CA12: variants seen among roughly 807,000 people sequenced by gnomAD.
The protein encoded by CA12 is carbonate dehydratase XII.
CA12 carries 36 observed loss-of-function variants against 46.8 expected under a neutral mutation model. The observed-to-expected ratio is 0.77, with a 90% confidence interval of 0.59 to 1.02. The LOEUF (loss-of-function observed/expected upper bound fraction) is 1.02. Among genes scored for constraint, CA12 ranks in the 50% least tolerant of loss-of-function variants. CA12 has a pLI of 0.00. For synonymous variants in CA12, 202 were observed against 187.0 expected, an observed-to-expected ratio of 1.08 and a Z score of -0.65; for missense variants, 436 against 451.4, an observed-to-expected ratio of 0.97 and a Z score of 0.31.
At chr15:63,346,928 G>T (rs1251824773) in intron 2 of CA12, among the ~76,000 whole-genome samples, 4 of 152,204 alleles carry the variant, frequency 2.6e-5, no homozygotes, top group Admixed American at 6.5e-5. Flanking sequence ...GACTAGGGCT[G>T]CACAGGCCAG....
rs2038890289 is a variant in CA12 at position 63,328,064 on chromosome 15, T to A, written c.907+34A>T. 1 of 1,603,814 alleles carries A rather than the reference T, an allele frequency of 6.2e-7. No homozygotes were observed. The highest frequency in any genetic ancestry group is 8.5e-7 in the Non-Finnish European group (1 of 1,170,724). ...CCAAGAATCACAGTGATCACCCAGC[T>A]GCAGCATGCACGGCTGGCTGCCCAG... On this transcript the variant is annotated intron_variant, in intron 9 of 10. Transcript: ENST00000178638. The surrounding 1 kb of genome is among the most constrained non-coding windows in gnomAD (Gnocchi z 5.9).
chr15:63,344,759 T>C (rs899034505), intron 4 of CA12, among the ~76,000 whole-genome samples: 1 of 152,184 alleles, frequency 6.6e-6, no homozygotes, highest in Non-Finnish European at 1.5e-5. Flanking sequence ...TTCAGGGCTA[T>C]TGGAGTGCCA....
In CA12 at chr15:63,345,409, G is replaced by C; in HGVS notation, c.429+68C>G. 1 of 1,584,544 alleles carries C rather than the reference G, an allele frequency of 6.3e-7. No individual in the cohort carries two copies. The highest frequency in any genetic ancestry group is 2.2e-5 in the East Asian group (1 of 44,454). ...ATGCTCTGGTGTTATCTGCACAGCA[G>C]CCAGGTCGAGAAGGTGCCACACCAC... On this transcript the variant is annotated intron_variant, in intron 4 of 10. Transcript: ENST00000178638. This position sits in a 1 kb window ranked among gnomAD's most constrained non-coding sequence, Gnocchi z 4.3.
chr15:63,378,115 C>T lies in CA12; in HGVS notation c.86-2437G>A, dbSNP rs7165232. Among the ~76,000 whole-genome samples, 118 of 152,266 alleles carry T rather than the reference C, an allele frequency of 7.7e-4. No individual in the cohort carries two copies. The highest frequency in any genetic ancestry group is 2.8e-3 in the African/African-American group (115 of 41,536). On this transcript the variant is annotated intron_variant, in intron 1 of 10. Transcript: ENST00000178638. The surrounding 1 kb of genome is among the most constrained non-coding windows in gnomAD (Gnocchi z 4.8). ...AAAATTTCCCTAAGCTGGCTGGGTA[C>T]GGTGGCTCACCCCTGTAATCCCAGC...
intron 4 of CA12, among the ~76,000 whole-genome samples, chr15:63,344,166 C>T (rs1351931521): frequency 6.6e-6 from 1 of 152,226 alleles, no homozygotes; most frequent in African/African-American, 2.4e-5. Context: ...TAGATGAATG[C>T]ACAAGTGACT....
Position 63,372,053 on chromosome 15 carries a change from C to G in CA12, c.106+3605G>C, listed in dbSNP as rs903671645. Among the ~76,000 whole-genome samples the G allele has an allele frequency of 6.6e-6, 1 of 152,168 alleles. No homozygotes were observed. Among genetic ancestry groups the G allele is most frequent in the Non-Finnish European group, 1.5e-5 (1 of 68,036 alleles). ...TCAAAAACTGACTGCAGCACCCACA[C>G]CAAGGACCTGAACGTGCCCACAACC... On this transcript the variant is annotated intron_variant, in intron 2 of 10. Transcript: ENST00000178638. This position sits in a 1 kb window ranked among gnomAD's most constrained non-coding sequence, Gnocchi z 4.5.
rs1422707762 is a variant in CA12 at position 63,327,026 on chromosome 15, TC to T, written c.992+122del. The T allele has an allele frequency of 2.3e-6, 2 of 854,844 alleles. No homozygotes were observed. The highest frequency in any genetic ancestry group is 3.3e-5 in the African/African-American group (2 of 59,824). 53.0% of individuals were successfully genotyped at this position (854,844 alleles called of 1,614,324 possible). On this transcript the variant is annotated intron_variant, in intron 10 of 10. Coordinates refer to ENST00000178638, the MANE Select transcript of CA12 (RefSeq NM_001218.5). The surrounding 1 kb of genome is among the most constrained non-coding windows in gnomAD (Gnocchi z 4.5). ...GGCACGGGTGCTTTGGGGACGGCCC[TC>T]CTAGGGTAAGTGGTGGTCCAGGTGA... is the stretch of plus-strand genomic sequence containing the variant.
At position 63,341,455 on chromosome 15, in the gene CA12, C is replaced by A. The variant is rs1035007357; in HGVS notation, c.525+547G>T. Among the ~76,000 whole-genome samples the A allele has an allele frequency of 1.3e-5, 2 of 152,236 alleles. No homozygotes were observed. The highest frequency in any genetic ancestry group is 4.8e-5 in the African/African-American group (2 of 41,456). ...GAACTGCGCATGCAAGGGATCTAGG[C>A]TGTGTATTCCTTACGGAATCTAACT... On this transcript the variant is annotated intron_variant, in intron 5 of 10. Coordinates refer to ENST00000178638, the MANE Select transcript of CA12 (RefSeq NM_001218.5). This position sits in a 1 kb window ranked among gnomAD's most constrained non-coding sequence, Gnocchi z 5.2.
intron 4 of CA12, 67 bp from the exon 5 acceptor site, chr15:63,342,164 AGACTT>A (rs1353863240): frequency 3.0e-6 from 3 of 1,016,484 alleles, no homozygotes; most frequent in Non-Finnish European, 4.6e-6. Context: ...CTTCTGCAGA[AGACTT>A]GACTCCAACT....
rs145874348 is a variant in CA12 at position 63,355,578 on chromosome 15, G to A, written c.107-8869C>T. Among the ~76,000 whole-genome samples, 5 of 152,328 alleles carry A rather than the reference G, an allele frequency of 3.3e-5. No individual in the cohort carries two copies. The East Asian group carries it at 7.7e-4, about 23-fold the overall frequency. ...AAGCGCTGCACTAGACTGTCAGCTC[G>A]CTTTCTGCATGCGTGTACACCTGGC... On this transcript the variant is annotated intron_variant, in intron 2 of 10. Coordinates refer to ENST00000178638, the MANE Select transcript of CA12 (RefSeq NM_001218.5). The surrounding 1 kb of genome is among the most constrained non-coding windows in gnomAD (Gnocchi z 4.1).
rs141065029 is a variant in CA12, at chr15:63,342,059, G to A, written c.468C>T (p.Asp156=). The A allele has an allele frequency of 3.7e-5, 60 of 1,613,804 alleles. No individual in the cohort carries two copies. In the South Asian group the frequency reaches 4.1e-4, roughly 11 times the overall value. ...CTGACTTGTTGCTGGCAGTGCTGGC[G>A]TCAGGATAAAGGTCTGAGTTATAAT... ...IVHYNSDLYP[D]ASTASNKSEG... Residue 156 remains aspartate (D), a synonymous_variant, in exon 5 of 11, where the codon GAC becomes GAT. Transcript: ENST00000178638.
chr15:63,351,536 C>T (rs2039231943), intron 2 of CA12, among the ~76,000 whole-genome samples: 1 of 152,230 alleles, frequency 6.6e-6, no homozygotes. Flanking sequence ...AAGGCCCCCA[C>T]ATCCCGCCCC....
At chr15:63,335,987 G>A (rs1178995655) in intron 8 of CA12, among the ~76,000 whole-genome samples, 1 of 151,482 alleles carries the variant, frequency 6.6e-6, no homozygotes, top group African/African-American at 2.4e-5. Flanking sequence ...AAGTGAAAGG[G>A]AGGGGAGGAG....
chr15:63,326,678 C>T (rs1314706611), intron 10 of CA12, among the ~76,000 whole-genome samples: 1 of 151,912 alleles, frequency 6.6e-6, no homozygotes, highest in Non-Finnish European at 1.5e-5. Context: ...TTTCATACCC[C>T]CCCCAAATAA....
At chr15:63,375,338 C>T in intron 2 of CA12, 1 of 296,448 alleles carries the variant, frequency 3.4e-6, no homozygotes, top group Non-Finnish European at 6.3e-6. Context: ...CTGCCCAGGA[C>T]CCTTGCAGTC....
At position 63,378,012 on chromosome 15, in the gene CA12, C is replaced by T. The variant is rs1376862106; in HGVS notation, c.86-2334G>A. Among the ~76,000 whole-genome samples, 1 of 152,192 alleles carries T rather than the reference C, an allele frequency of 6.6e-6. No homozygotes were observed. Among genetic ancestry groups the T allele is most frequent in the African/African-American group, 2.4e-5 (1 of 41,452 alleles). On this transcript the variant is annotated intron_variant, in intron 1 of 10. Transcript: ENST00000178638. This position sits in a 1 kb window ranked among gnomAD's most constrained non-coding sequence, Gnocchi z 4.8. The stretch of plus-strand genomic sequence containing the variant: ...TGAACTTAGGGAATCTTCAAGTCTC[C>T]TCAATCTTTGGAGTAGTTAAGTGGA...
chr15:63,339,005 G>C lies in CA12; in HGVS notation c.748-60C>G. 6.2e-7 allele frequency: 1 copy of C among 1,606,834 alleles called. No homozygotes were observed. The highest frequency in any genetic ancestry group is 8.5e-7 in the Non-Finnish European group (1 of 1,175,866). On this transcript the variant is annotated intron_variant, in intron 7 of 10. Coordinates refer to ENST00000178638, the MANE Select transcript of CA12 (RefSeq NM_001218.5). The surrounding 1 kb of genome is among the most constrained non-coding windows in gnomAD (Gnocchi z 4.3). ...ATGACCTCCTCACCTGATCCCCTGGGAAGAGGCTAGCTCTCCGCTCTTGCA... is the reference window on the plus strand; with the variant it reads ...ATGACCTCCTCACCTGATCCCCTGGCAAGAGGCTAGCTCTCCGCTCTTGCA...
chr15:63,380,868 C>T (rs1018058483), intron 1 of CA12, among the ~76,000 whole-genome samples: 2 of 152,246 alleles, frequency 1.3e-5, no homozygotes, highest in Non-Finnish European at 2.9e-5. Flanking sequence ...CTTGGCTGTA[C>T]ACGTGTTAGC....
rs2038884612 is a variant in CA12, at chr15:63,327,581, C to T, written c.908-348G>A. 6.6e-6 allele frequency among the ~76,000 whole-genome samples: 1 copy of T among 151,640 alleles called. No homozygotes were observed. The highest frequency in any genetic ancestry group is 2.4e-5 in the African/African-American group (1 of 41,220). The stretch of plus-strand genomic sequence containing the variant: ...CAGGGCCCGGGAATCTGCATTTTGC[C>T]AAATACTTACAGCTGATACTGATGC... On this transcript the variant is annotated intron_variant, in intron 9 of 10. Transcript: ENST00000178638. The surrounding 1 kb of genome is among the most constrained non-coding windows in gnomAD (Gnocchi z 4.5).
Sources: gnomAD v4.1 joint callset for allele counts (sites outside exome capture counted in the v4.1 genomes callset) on GRCh38, gnomAD v4.1.1 for gene constraint, Gnocchi (gnomAD v3.1) non-coding constraint, MANE v1.5 for transcripts, NCBI Gene and HGNC (gene_info 2026-07-23, HGNC 2026-07-21) for gene names.